The following MYT1L variants were observed in gnomAD, a reference collection of about 807,000 sequenced individuals.
MYT1L encodes the protein myelin transcription factor 1-like protein.
In MYT1L, 12 loss-of-function variants were observed where a neutral mutation model predicts 126.7. That is an observed-to-expected ratio of 0.09 (90% CI 0.06 to 0.15). The LOEUF is 0.15. Ranked by LOEUF, MYT1L falls within the 10% of genes least tolerant of loss-of-function variation. The pLI is 1.00. For missense variants in MYT1L, 979 were observed against 1,585.2 expected (o/e 0.62, Z 6.49); for synonymous variants, 541 against 604.2 (o/e 0.90, Z 1.53).
chr2:1,997,629 GCT>G (rs2061982709), intron 4 of MYT1L, among the ~76,000 whole-genome samples: 1 of 152,210 alleles, frequency 6.6e-6, no homozygotes, highest in Non-Finnish European at 1.5e-5. Flanking sequence ...TCAGCTCTGT[GCT>G]CTGCCTGATA....
At chr2:1,872,419 A>G (rs527330128) in intron 18 of MYT1L, among the ~76,000 whole-genome samples, 10 of 152,352 alleles carry the variant, frequency 6.6e-5, no homozygotes, top group Non-Finnish European at 1.3e-4. Context: ...AGTGGTGAGG[A>G]CAGGGAGAAG....
At chr2:2,016,995 C>T (rs566784160) in intron 4 of MYT1L, among the ~76,000 whole-genome samples, 1 of 152,348 alleles carries the variant, frequency 6.6e-6, no homozygotes, top group African/African-American at 2.4e-5. Context: ...TAAAATCTTG[C>T]TAATAATTGA....
chr2:2,149,768 C>T (rs2085450406), intron 3 of MYT1L, among the ~76,000 whole-genome samples: 1 of 151,608 alleles, frequency 6.6e-6, no homozygotes, highest in African/African-American at 2.4e-5. Flanking sequence ...AAGTTGGTCT[C>T]AAATTAGGCT....
chr2:1,796,105 A>G (rs746808500), intron 23 of MYT1L, among the ~76,000 whole-genome samples: 2 of 152,258 alleles, frequency 1.3e-5, no homozygotes, highest in Non-Finnish European at 2.9e-5. Flanking sequence ...CGACTGCAGC[A>G]CCACGTGACG....
At chr2:1,829,120 T>A (rs999349898) in intron 21 of MYT1L, among the ~76,000 whole-genome samples, 26 of 152,090 alleles carry the variant, frequency 1.7e-4, no homozygotes, top group African/African-American at 6.3e-4. Flanking sequence ...TTGGTGAGGA[T>A]CTCCCATGAA....
chr2:2,252,527 C>A (rs1022606790), intron 2 of MYT1L, among the ~76,000 whole-genome samples: 1 of 152,198 alleles, frequency 6.6e-6, no homozygotes, highest in African/African-American at 2.4e-5. Flanking sequence ...AGAAACTGCT[C>A]TTGCATACAG....
intron 3 of MYT1L, among the ~76,000 whole-genome samples, chr2:2,140,487 T>A (rs1442540274): frequency 4.1e-5 from 6 of 146,292 alleles, no homozygotes; most frequent in Non-Finnish European, 8.9e-5. Flanking sequence ...CAGGCTGGAG[T>A]GCAGTGGCAC....
intron 2 of MYT1L, among the ~76,000 whole-genome samples, chr2:2,222,464 C>T (rs2093903732): frequency 6.6e-6 from 1 of 151,548 alleles, no homozygotes; most frequent in Non-Finnish European, 1.5e-5. Context: ...CCACTGCACT[C>T]CAGCATGGGT....
intron 4 of MYT1L, among the ~76,000 whole-genome samples, chr2:2,009,798 A>G (rs1206778214): frequency 6.6e-6 from 1 of 152,166 alleles, no homozygotes; most frequent in Non-Finnish European, 1.5e-5. Context: ...TCTTAGTGGC[A>G]AAGTTTCAGT....
chr2:1,924,607 A>G (rs146913752), intron 9 of MYT1L, among the ~76,000 whole-genome samples: 3 of 152,344 alleles, frequency 2.0e-5, no homozygotes, highest in African/African-American at 7.2e-5. Flanking sequence ...ACAGAAAATA[A>G]TATCCTTATT....
At chr2:2,301,595 G>T (rs1392335484) in intron 1 of MYT1L, among the ~76,000 whole-genome samples, 4 of 152,132 alleles carry the variant, frequency 2.6e-5, no homozygotes, top group Non-Finnish European at 5.9e-5. Context: ...TTGGGAGGCT[G>T]AGGCAGTAGG....
intron 3 of MYT1L, among the ~76,000 whole-genome samples, chr2:2,129,103 G>A (rs895989313): frequency 2.0e-5 from 3 of 152,178 alleles, no homozygotes; most frequent in African/African-American, 4.8e-5. Flanking sequence ...AGAAAACCTC[G>A]TTCACTGAGA....
chr2:1,805,239 AT>A (rs1276890170), intron 22 of MYT1L, among the ~76,000 whole-genome samples: 4 of 152,232 alleles, frequency 2.6e-5, no homozygotes, highest in Non-Finnish European at 4.4e-5. Context: ...CCTCAAGGAC[AT>A]TTAGAATAGC....
At chr2:1,853,244 C>G (rs1322415982) in intron 18 of MYT1L, among the ~76,000 whole-genome samples, 1 of 152,124 alleles carries the variant, frequency 6.6e-6, no homozygotes, top group East Asian at 1.9e-4. Context: ...CTGTGTGCTC[C>G]CATCACTGCT....
At chr2:1,794,746 G>A (rs2033067849) in intron 23 of MYT1L, among the ~76,000 whole-genome samples, 1 of 152,124 alleles carries the variant, frequency 6.6e-6, no homozygotes, top group Non-Finnish European at 1.5e-5. Context: ...GTGCTACCCG[G>A]GTCTGTGGCT....
At chr2:2,013,420 C>T (rs2064035581) in intron 4 of MYT1L, among the ~76,000 whole-genome samples, 1 of 152,234 alleles carries the variant, frequency 6.6e-6, no homozygotes, top group Non-Finnish European at 1.5e-5. Flanking sequence ...TCTGCCTCTT[C>T]ACAGCCTCAC....
Position 2,228,179 on chromosome 2 carries a change from A to G in MYT1L, c.-420-55191T>C, listed in dbSNP as rs1253005602. Among the ~76,000 whole-genome samples, 1 of 152,216 alleles carries G rather than the reference A, an allele frequency of 6.6e-6. No homozygotes were observed. Among genetic ancestry groups the G allele is most frequent in the Non-Finnish European group, 1.5e-5 (1 of 68,040 alleles). ...AGTATAATCATTACCTACATAAAAGACAGGGCAAGGGGGTGATTCTGTAAT... is the reference window on the plus strand; with the variant it reads ...AGTATAATCATTACCTACATAAAAGGCAGGGCAAGGGGGTGATTCTGTAAT... On this transcript the variant is annotated intron_variant, in intron 2 of 24. Transcript: ENST00000647738. This position sits in a 1 kb window ranked among gnomAD's most constrained non-coding sequence, Gnocchi z 5.9.
intron 13 of MYT1L, among the ~76,000 whole-genome samples, chr2:1,904,071 C>T (rs924530082): frequency 6.6e-6 from 1 of 152,108 alleles, no homozygotes. Context: ...TTCTTTACAC[C>T]CTGACACCAA....
At chr2:2,184,528 AT>A (rs2091911961) in intron 2 of MYT1L, among the ~76,000 whole-genome samples, 2 of 152,064 alleles carry the variant, frequency 1.3e-5, no homozygotes, top group Non-Finnish European at 2.9e-5. Context: ...AAAATTGGGG[AT>A]TTTTTTCATG....
Sources: gnomAD v4.1 joint callset for allele counts (sites outside exome capture counted in the v4.1 genomes callset) on GRCh38, gnomAD v4.1.1 for gene constraint, Gnocchi (gnomAD v3.1) non-coding constraint, MANE v1.5 for transcripts, NCBI Gene and HGNC (gene_info 2026-07-23, HGNC 2026-07-21) for gene names.